SETD7: variants seen among roughly 807,000 people sequenced by gnomAD.
The protein encoded by SETD7 is SET domain containing 7, histone lysine methyltransferase.
In SETD7, 16 loss-of-function variants were observed where a neutral mutation model predicts 41.8. The observed-to-expected ratio is 0.38, with a 90% CI of 0.26 to 0.58. The LOEUF (loss-of-function observed/expected upper bound fraction) is 0.58, where lower values mean the gene tolerates loss of function less well. Ranked by LOEUF, SETD7 falls within the 20% of genes least tolerant of loss-of-function variation. The pLI is 0.64. For missense variants in SETD7, 346 were observed against 459.7 expected (o/e 0.75, Z 2.26); for synonymous variants, 163 against 169.7 (o/e 0.96, Z 0.31).
At chr4:139,541,516 AT>A (rs1727777512) in intron 2 of SETD7, among the ~76,000 whole-genome samples, 1 of 152,238 alleles carries the variant, frequency 6.6e-6, no homozygotes, top group African/African-American at 2.4e-5. Flanking sequence ...ACCACGCTGC[AT>A]CAATTCCTTT....
intron 5 of SETD7, among the ~76,000 whole-genome samples, chr4:139,522,877 CCGAGTAGCTGGGATTA>C (rs1189292649): frequency 6.6e-6 from 1 of 151,622 alleles, no homozygotes; most frequent in Non-Finnish European, 1.5e-5. Flanking sequence ...CCTCAGCCTC[CCGAGTAGCTGGGATTA>C]CAGGTATACG....
intron 2 of SETD7, among the ~76,000 whole-genome samples, chr4:139,539,148 C>T (rs986090327): frequency 2.0e-5 from 3 of 152,080 alleles, no homozygotes; most frequent in African/African-American, 7.2e-5. Context: ...AGGTTTTGGA[C>T]CTTCCGCCTC....
At chr4:139,552,912 A>G (rs1175755876) in intron 1 of SETD7, among the ~76,000 whole-genome samples, 1 of 152,234 alleles carries the variant, frequency 6.6e-6, no homozygotes, top group Non-Finnish European at 1.5e-5. Flanking sequence ...CTATGGGTAG[A>G]CAAAGAAATA....
Position 139,517,885 on chromosome 4 carries a change from A to G in SETD7, c.920T>C (p.Met307Thr), listed in dbSNP as rs935455241. 6.2e-7 allele frequency: 1 copy of G among 1,613,006 alleles called. No homozygotes were observed. Among genetic ancestry groups the G allele is most frequent in the Non-Finnish European group, 8.5e-7 (1 of 1,179,376 alleles). Residue 307 changes from methionine to threonine, a missense_variant and splice_region_variant, in exon 7 of 8, where the codon ATG becomes ACG. Coordinates refer to ENST00000274031, the MANE Select transcript of SETD7 (RefSeq NM_030648.4). ...HSFTPNCIYDMFVHPRFGPIK... is the reference protein window; with the variant it reads ...HSFTPNCIYDTFVHPRFGPIK... ...CCCAGCAGCTCTGGGTAATACTTACATATCGTAGATGCAGTTTGGAGTGAA... is the reference window on the plus strand; with the variant it reads ...CCCAGCAGCTCTGGGTAATACTTACGTATCGTAGATGCAGTTTGGAGTGAA...
chr4:139,521,970 T>A (rs1166804100), intron 5 of SETD7, among the ~76,000 whole-genome samples: 1 of 152,222 alleles, frequency 6.6e-6, no homozygotes, highest in African/African-American at 2.4e-5. Context: ...AGCCAACCTA[T>A]AGAACTATGG....
chr4:139,537,386 T>C (rs1439216269), intron 2 of SETD7, among the ~76,000 whole-genome samples: 3 of 152,218 alleles, frequency 2.0e-5, no homozygotes, highest in Non-Finnish European at 4.4e-5. Flanking sequence ...TAATGTTTCT[T>C]GGTGAAATTG....
At chr4:139,503,099 A>G (rs1231186363), downstream of SETD7, among the ~76,000 whole-genome samples, 3 of 143,946 alleles carry the variant, frequency 2.1e-5, no homozygotes, top group Non-Finnish European at 3.0e-5. Flanking sequence ...AATTGCTTGA[A>G]CCTGGGAGGT....
rs75896907 is a variant in SETD7 at position 139,529,270 on chromosome 4, G to A, written c.373-50C>T. ...AAAATATTATATATAGTATGTCTAG[G>A]ACATGAGTCCCAAGAAATTTCTCTT... On this transcript the variant is annotated intron_variant, in intron 3 of 7. Coordinates refer to ENST00000274031, the MANE Select transcript of SETD7 (RefSeq NM_030648.4). 5,007 of 1,471,160 alleles carry A rather than the reference G, an allele frequency of 3.4e-3. 82 individuals carry two copies. The highest frequency in any genetic ancestry group is 0.029 in the South Asian group (2,210 of 75,352). The allele number at this position is 1,471,160 out of a possible 1,614,324, so 91.1% of individuals were successfully genotyped here.
At chr4:139,537,034 G>A (rs922692607) in intron 2 of SETD7, among the ~76,000 whole-genome samples, 2 of 152,054 alleles carry the variant, frequency 1.3e-5, no homozygotes, top group Admixed American at 6.5e-5. Context: ...GGAGTGCAAC[G>A]GCACAATCTT....
intron 7 of SETD7, among the ~76,000 whole-genome samples, chr4:139,496,855 A>G (rs1726465397): frequency 6.6e-6 from 1 of 152,114 alleles, no homozygotes; most frequent in South Asian, 2.1e-4. Flanking sequence ...AATCGTACTT[A>G]GATAAGTTGT....
chr4:139,496,203 A>G (rs548755651), exon 8 of SETD7: 24 of 491,574 alleles, frequency 4.9e-5, no homozygotes, highest in African/African-American at 3.8e-4. Context: ...GACTTTATTT[A>G]TTGATTTCTC....
intron 2 of SETD7, 32 bp from the exon 3 acceptor site, chr4:139,533,398 TCAGACCA>T: frequency 6.4e-7 from 1 of 1,570,726 alleles, no homozygotes; most frequent in Admixed American, 1.8e-5. Context: ...AAAGGAATAG[TCAGACCA>T]TGACTTGACT....
At chr4:139,521,276 A>G (rs900186127) in intron 5 of SETD7, among the ~76,000 whole-genome samples, 5 of 151,938 alleles carry the variant, frequency 3.3e-5, no homozygotes, top group African/African-American at 1.2e-4. Context: ...AAATACAAAA[A>G]ATAGCTGGGT....
rs567131082 is a variant in SETD7 at position 139,538,605 on chromosome 4, G to A, written c.171-5239C>T. Among the ~76,000 whole-genome samples the A allele has an allele frequency of 2.0e-5, 3 of 152,250 alleles. No individual in the cohort carries two copies. In the South Asian group the frequency reaches 6.2e-4, roughly 32 times the overall value. On this transcript the variant is annotated intron_variant, in intron 2 of 7. Coordinates refer to ENST00000274031, the MANE Select transcript of SETD7 (RefSeq NM_030648.4). ...CAGCCTGTGCTAGGATTACAGGTGT[G>A]AGCCACCGCTCCTGGCCACTCTTTT...
In SETD7 at chr4:139,507,529, ATTCAAC is replaced by A. The variant is rs1433285798; in HGVS notation, c.*4128_*4133del. On this transcript the variant is annotated 3_prime_UTR_variant, in exon 8 of 8. Coordinates refer to ENST00000274031, the MANE Select transcript of SETD7 (RefSeq NM_030648.4). ...AATGTGTTTAAGTAGCACTGGAATAATTCAACTTCATTTAAATATATTCATTCTATC... is the reference window on the plus strand; with the variant it reads ...AATGTGTTTAAGTAGCACTGGAATAATTCATTTAAATATATTCATTCTATC... 4 of 152,682 alleles carry A rather than the reference ATTCAAC, an allele frequency of 2.6e-5. No individual in the cohort carries two copies. The highest frequency in any genetic ancestry group is 5.9e-5 in the Non-Finnish European group (4 of 68,040). The allele number at this position is 152,682 out of a possible 1,614,324, so 9.5% of individuals were successfully genotyped here.
chr4:139,496,613 G>A (rs951321247), intron 7 of SETD7: 1 of 621,468 alleles, frequency 1.6e-6, no homozygotes, highest in African/African-American at 1.9e-5. Context: ...CCAGAAAGGA[G>A]ACTTTTAGAA....
At chr4:139,515,935 C>T (rs1011375034) in intron 7 of SETD7, among the ~76,000 whole-genome samples, 1 of 152,182 alleles carries the variant, frequency 6.6e-6, no homozygotes, top group African/African-American at 2.4e-5. Flanking sequence ...CTGGCATTCT[C>T]AGGCCAAGCT....
chr4:139,531,235 T>G (rs1727475975), intron 3 of SETD7, among the ~76,000 whole-genome samples: 1 of 152,222 alleles, frequency 6.6e-6, no homozygotes, highest in African/African-American at 2.4e-5. Flanking sequence ...GTTTTCAAAA[T>G]GCAACCATGT....
chr4:139,548,010 A>C (rs1172410076), intron 1 of SETD7: 3 of 152,262 alleles, frequency 2.0e-5, no homozygotes, highest in Non-Finnish European at 4.4e-5. Context: ...TACAAAACCC[A>C]GGAATCACCT....
Sources: gnomAD v4.1 joint callset for allele counts (sites outside exome capture counted in the v4.1 genomes callset) on GRCh38, gnomAD v4.1.1 for gene constraint, MANE v1.5 for transcripts, NCBI Gene and HGNC (gene_info 2026-07-23, HGNC 2026-07-21) for gene names.